The following PTPRD variants were observed in gnomAD, a reference collection of about 807,000 sequenced individuals.
PTPRD encodes protein tyrosine phosphatase receptor type D, also known as receptor-type tyrosine-protein phosphatase delta.
A neutral mutation model predicts 214.5 loss-of-function variants in PTPRD; 34 were observed. The ratio of observed to expected loss-of-function variants is 0.16; its 90% CI spans 0.12 to 0.21. The LOEUF is 0.21. Ranked by LOEUF, PTPRD falls within the 10% of genes least tolerant of loss-of-function variation. PTPRD has a pLI of 1.00. For synonymous variants in PTPRD, 1,128 were observed against 845.7 expected, an observed-to-expected ratio of 1.33 and a Z score of -5.79; for missense variants, 2,545 against 2,398.7, an observed-to-expected ratio of 1.06 and a Z score of -1.27.
chr9:10,053,272 G>T (rs770476040), intron 3 of PTPRD, among the ~76,000 whole-genome samples: 6 of 152,116 alleles, frequency 3.9e-5, no homozygotes, highest in Non-Finnish European at 8.8e-5. Flanking sequence ...TATTTTAGCT[G>T]CAACAATTAG....
At chr9:10,189,255 A>T (rs1044433435) in intron 3 of PTPRD, among the ~76,000 whole-genome samples, 1 of 152,132 alleles carries the variant, frequency 6.6e-6, no homozygotes, top group Non-Finnish European at 1.5e-5. Flanking sequence ...CCCTGCTGCC[A>T]CTTTTAGGGT....
At chr9:9,068,416 T>G (rs1027022788) in intron 10 of PTPRD, among the ~76,000 whole-genome samples, 1 of 152,184 alleles carries the variant, frequency 6.6e-6, no homozygotes, top group Non-Finnish European at 1.5e-5. Flanking sequence ...TATAAGAAAC[T>G]GATGCTTCTT....
chr9:8,560,285 C>G (rs531708593), intron 14 of PTPRD, among the ~76,000 whole-genome samples: 1 of 152,228 alleles, frequency 6.6e-6, no homozygotes, highest in East Asian at 1.9e-4. Context: ...CCATGCAAAT[C>G]TTTAAGAGAT....
chr9:8,554,962 T>C (rs965123599), intron 14 of PTPRD, among the ~76,000 whole-genome samples: 12 of 151,450 alleles, frequency 7.9e-5, no homozygotes, highest in Admixed American at 7.2e-4. Flanking sequence ...GACTTAGCTA[T>C]TGAAAATCCA....
intron 9 of PTPRD, among the ~76,000 whole-genome samples, chr9:9,386,509 A>T (rs2063921298): frequency 6.6e-6 from 1 of 152,204 alleles, no homozygotes; most frequent in South Asian, 2.1e-4. Context: ...GACTCTTGGT[A>T]ATGATTAAGT....
At chr9:9,132,199 G>A (rs558864470) in intron 10 of PTPRD, among the ~76,000 whole-genome samples, 39 of 152,000 alleles carry the variant, frequency 2.6e-4, no homozygotes, top group Non-Finnish European at 5.1e-4. Context: ...TTGGTAGAGA[G>A]GGGGTTTCAC....
chr9:8,380,997 G>C (rs2084891315), intron 37 of PTPRD, among the ~76,000 whole-genome samples: 2 of 152,190 alleles, frequency 1.3e-5, no homozygotes. Flanking sequence ...CTGATACCTT[G>C]AAAGGGTTCT....
chr9:9,162,845 A>T (rs948857434), intron 10 of PTPRD, among the ~76,000 whole-genome samples: 3 of 152,094 alleles, frequency 2.0e-5, no homozygotes, highest in Non-Finnish European at 2.9e-5. Flanking sequence ...CAATATGCCA[A>T]CAACCCTGCT....
intron 3 of PTPRD, among the ~76,000 whole-genome samples, chr9:10,154,139 T>C (rs1399531565): frequency 6.6e-6 from 1 of 152,122 alleles, no homozygotes; most frequent in Non-Finnish European, 1.5e-5. Context: ...CATCTGTAAT[T>C]TTTTGACTTT....
At chr9:10,259,051 C>T (rs1464821417) in intron 3 of PTPRD, among the ~76,000 whole-genome samples, 1 of 151,972 alleles carries the variant, frequency 6.6e-6, no homozygotes, top group East Asian at 1.9e-4. Context: ...GAGACGGAGT[C>T]TCACTCTGTC....
chr9:9,664,062 C>T (rs1187062801), intron 7 of PTPRD, among the ~76,000 whole-genome samples: 2 of 130,200 alleles, frequency 1.5e-5, no homozygotes, highest in South Asian at 2.4e-4. Context: ...TCAATATCTA[C>T]ATATACAAAC....
In PTPRD at chr9:9,915,895, A is replaced by G. The variant is rs577732415; in HGVS notation, c.-368+22612T>C. Among the ~76,000 whole-genome samples, 7 of 152,220 alleles carry G rather than the reference A, an allele frequency of 4.6e-5. No homozygotes were observed. The East Asian group carries it at 1.2e-3, about 25-fold the overall frequency. On this transcript the variant is annotated intron_variant, in intron 5 of 45. Coordinates refer to ENST00000381196, the MANE Select transcript of PTPRD (RefSeq NM_002839.4). ...AGAACTTCAGATTGATTCAGCCCAA[A>G]CAGGTCTACTCCAAGGCGCATTATA...
intron 9 of PTPRD, among the ~76,000 whole-genome samples, chr9:9,289,995 T>C (rs1378786440): frequency 6.6e-6 from 1 of 151,804 alleles, no homozygotes; most frequent in Non-Finnish European, 1.5e-5. Flanking sequence ...TGTTGAATCA[T>C]GTCGTGGTTC....
At chr9:8,452,477 A>G (rs2095998984) in intron 33 of PTPRD, among the ~76,000 whole-genome samples, 4 of 152,250 alleles carry the variant, frequency 2.6e-5, no homozygotes, top group Non-Finnish European at 5.9e-5. Context: ...GCCCAACATG[A>G]ATGTAACTAG....
intron 3 of PTPRD, among the ~76,000 whole-genome samples, chr9:10,334,669 A>G (rs1002207093): frequency 6.6e-6 from 1 of 151,470 alleles, no homozygotes; most frequent in Non-Finnish European, 1.5e-5. Flanking sequence ...ATCCAGAACA[A>G]CAACAACAAC....
At chr9:8,951,934 A>G (rs988384818) in intron 11 of PTPRD, among the ~76,000 whole-genome samples, 24 of 152,086 alleles carry the variant, frequency 1.6e-4, no homozygotes, top group African/African-American at 5.6e-4. Flanking sequence ...ACTATGGTGT[A>G]CAATGCTGCT....
At chr9:10,585,911 A>G (rs2073744736) in intron 2 of PTPRD, among the ~76,000 whole-genome samples, 1 of 152,144 alleles carries the variant, frequency 6.6e-6, no homozygotes, top group Non-Finnish European at 1.5e-5. Flanking sequence ...ATGAAAATAA[A>G]TTCCACTCAG....
chr9:9,440,385 A>G (rs1225932348), intron 8 of PTPRD, among the ~76,000 whole-genome samples: 11 of 152,098 alleles, frequency 7.2e-5, no homozygotes, highest in Non-Finnish European at 1.2e-4. Flanking sequence ...CATCTATCAA[A>G]TTGTTAAATG....
chr9:8,600,757 A>G (rs1323507902), intron 14 of PTPRD, among the ~76,000 whole-genome samples: 1 of 151,990 alleles, frequency 6.6e-6, no homozygotes, highest in African/African-American at 2.4e-5. Context: ...AACCAGCAGT[A>G]ATACCCAGGT....
Sources: allele counts gnomAD v4.1 joint callset (sites outside exome capture counted in the v4.1 genomes callset), GRCh38; gene constraint gnomAD v4.1.1; transcripts MANE v1.5; gene names NCBI Gene and HGNC (gene_info 2026-07-23, HGNC 2026-07-21).